SLC24A3: variants seen among roughly 807,000 people sequenced by gnomAD.
SLC24A3 encodes solute carrier family 24 member 3.
SLC24A3 carries 28 observed loss-of-function variants against 75.8 expected under a neutral mutation model. That is an observed-to-expected ratio of 0.37 (90% confidence interval 0.27 to 0.51). SLC24A3 has a LOEUF of 0.51. Among genes scored for constraint, SLC24A3 ranks in the 20% least tolerant of loss-of-function variants. The pLI is 0.94. For synonymous variants in SLC24A3, 372 were observed against 334.1 expected (o/e 1.11, Z -1.24); for missense variants, 663 against 847.8 (o/e 0.78, Z 2.71).
intron 3 of SLC24A3, among the ~76,000 whole-genome samples, chr20:19,529,408 G>A (rs1292970189): frequency 6.6e-6 from 1 of 152,146 alleles, no homozygotes; most frequent in Non-Finnish European, 1.5e-5. Flanking sequence ...TGGAATCCTA[G>A]AAATCAACCT....
At chr20:19,662,326 C>A (rs953649768) in intron 7 of SLC24A3, among the ~76,000 whole-genome samples, 1 of 152,182 alleles carries the variant, frequency 6.6e-6, no homozygotes, top group Non-Finnish European at 1.5e-5. Context: ...ACAGGAGGTC[C>A]GTCAAGTGCA....
intron 2 of SLC24A3, among the ~76,000 whole-genome samples, chr20:19,326,769 G>C (rs1002970767): frequency 2.0e-5 from 3 of 151,896 alleles, no homozygotes; most frequent in Non-Finnish European, 4.4e-5. Flanking sequence ...TTTTTGTAGC[G>C]ACAAGGTCTC....
chr20:19,300,988 T>C (rs1334182911), intron 2 of SLC24A3, among the ~76,000 whole-genome samples: 1 of 152,094 alleles, frequency 6.6e-6, no homozygotes, highest in Non-Finnish European at 1.5e-5. Context: ...CTGGCCAACA[T>C]AGCACACCTA....
chr20:19,537,944 G>A (rs1441565225), intron 3 of SLC24A3, among the ~76,000 whole-genome samples: 3 of 151,614 alleles, frequency 2.0e-5, no homozygotes, highest in African/African-American at 7.3e-5. Flanking sequence ...GAGTTAATGG[G>A]TGCAGCACAC....
intron 1 of SLC24A3, among the ~76,000 whole-genome samples, chr20:19,272,570 A>G (rs1983361328): frequency 6.6e-6 from 1 of 152,250 alleles, no homozygotes. Flanking sequence ...GCTGTCATGC[A>G]GACAGTTTTG....
chr20:19,254,278 T>A (rs1307239059), intron 1 of SLC24A3, among the ~76,000 whole-genome samples: 2 of 151,924 alleles, frequency 1.3e-5, no homozygotes, highest in Middle Eastern at 3.2e-3. Context: ...GGTCCAGGGG[T>A]TCCCTCACAA....
At chr20:19,694,686 T>C (rs1199977647) in intron 13 of SLC24A3, 5 of 152,258 alleles carry the variant, frequency 3.3e-5, no homozygotes, top group African/African-American at 1.2e-4. Context: ...CTAACTGACC[T>C]GACTCATCTG....
At chr20:19,661,578 A>AC (rs2032327058) in intron 7 of SLC24A3, among the ~76,000 whole-genome samples, 7 of 152,294 alleles carry the variant, frequency 4.6e-5, no homozygotes, top group East Asian at 3.9e-4. Flanking sequence ...TTCAGGTTTC[A>AC]GTCTCTTGAA....
chr20:19,244,649 G>A (rs1031247941), intron 1 of SLC24A3, among the ~76,000 whole-genome samples: 3 of 152,184 alleles, frequency 2.0e-5, no homozygotes, highest in Non-Finnish European at 4.4e-5. Flanking sequence ...TATCCTCAGG[G>A]CAGAGGCGAG....
chr20:19,281,081 G>A lies in SLC24A3; in HGVS notation c.265G>A (p.Glu89Lys), dbSNP rs370045193. Residue 89 changes from glutamate (E) to lysine (K), a missense_variant, in exon 2 of 17, where the codon GAA (glutamate) becomes AAA (lysine). Coordinates refer to ENST00000328041, the MANE Select transcript of SLC24A3 (RefSeq NM_020689.4). ...ACTCCGGAACAGCAAGAACTGCACC[G>A]AACCAGGTAACAGTGCTGACTACTC... ...AGLRNSKNCT[E>K]PALHEFPNDI... is the part of the protein sequence containing the mutation. 1.1e-5 allele frequency: 17 copies of A among 1,614,030 alleles called. 1 individual carries two copies. Among genetic ancestry groups the A allele is most frequent in the African/African-American group, 5.3e-5 (4 of 74,934 alleles).
At chr20:19,283,750 T>A (rs554715678) in intron 2 of SLC24A3, among the ~76,000 whole-genome samples, 1 of 152,252 alleles carries the variant, frequency 6.6e-6, no homozygotes, top group South Asian at 2.1e-4. Flanking sequence ...ATCATTCTGA[T>A]CTTTCATGAT....
rs1411636121 is a variant in SLC24A3, at chr20:19,420,606, C to T, written c.272-94882C>T. ...GGCCATACTGCCATTTTCATAATTT[C>T]ATAATTTCATAATTTCATAATTTAC... On this transcript the variant is annotated intron_variant, in intron 2 of 16. Coordinates refer to ENST00000328041, the MANE Select transcript of SLC24A3 (RefSeq NM_020689.4). Among the ~76,000 whole-genome samples the T allele has an allele frequency of 9.7e-5, 4 of 41,186 alleles. 1 individual carries two copies. The highest frequency in any genetic ancestry group is 4.3e-5 in the Non-Finnish European group (1 of 23,200). 27.0% of individuals were successfully genotyped at this position (41,186 alleles called of 152,430 possible).
intron 2 of SLC24A3, among the ~76,000 whole-genome samples, chr20:19,474,328 T>C (rs1233693631): frequency 2.0e-5 from 3 of 152,168 alleles, no homozygotes; most frequent in African/African-American, 7.2e-5. Context: ...GAGGGAGGCT[T>C]TTAATTCCCA....
intron 2 of SLC24A3, among the ~76,000 whole-genome samples, chr20:19,333,606 T>G (rs1013825805): frequency 6.6e-6 from 1 of 151,786 alleles, no homozygotes; most frequent in Non-Finnish European, 1.5e-5. Context: ...ATGTTACTGG[T>G]GAGTCCAGTC....
chr20:19,323,636 C>T (rs1984769418), intron 2 of SLC24A3, among the ~76,000 whole-genome samples: 1 of 152,144 alleles, frequency 6.6e-6, no homozygotes, highest in African/African-American at 2.4e-5. Context: ...GTGAACCCCA[C>T]ATCCAGTGGG....
intron 1 of SLC24A3, among the ~76,000 whole-genome samples, chr20:19,240,947 C>T (rs1044260660): frequency 2.0e-5 from 3 of 152,158 alleles, no homozygotes; most frequent in Non-Finnish European, 2.9e-5. Flanking sequence ...GGTGCATGGC[C>T]GGCAAGGGTA....
intron 2 of SLC24A3, among the ~76,000 whole-genome samples, chr20:19,378,971 G>C (rs1421009252): frequency 6.6e-6 from 1 of 151,846 alleles, no homozygotes; most frequent in Non-Finnish European, 1.5e-5. Context: ...TAACTGGGGA[G>C]TTTTAAAAAG....
At chr20:19,534,166 T>C (rs977419717) in intron 3 of SLC24A3, among the ~76,000 whole-genome samples, 4 of 152,254 alleles carry the variant, frequency 2.6e-5, no homozygotes, top group African/African-American at 4.8e-5. Context: ...CAGTTTTCTG[T>C]AAATATAGAA....
intron 2 of SLC24A3, among the ~76,000 whole-genome samples, chr20:19,506,605 T>A (rs536489106): frequency 6.6e-6 from 1 of 152,322 alleles, no homozygotes; most frequent in African/African-American, 2.4e-5. Context: ...ATTGGGATAA[T>A]GCTTCCTATC....
Sources: allele counts gnomAD v4.1 joint callset (sites outside exome capture counted in the v4.1 genomes callset), GRCh38; gene constraint gnomAD v4.1.1; transcripts MANE v1.5; gene names NCBI Gene and HGNC (gene_info 2026-07-23, HGNC 2026-07-21).